The following CCNB3 variants were observed in gnomAD, a reference collection of about 807,000 sequenced individuals.
CCNB3 encodes cyclin B3, also known as G2/mitotic-specific cyclin-B3.
A neutral mutation model predicts 68.0 loss-of-function variants in CCNB3; 12 were observed. That is an observed-to-expected ratio of 0.18 (90% CI 0.11 to 0.29). The LOEUF (loss-of-function observed/expected upper bound fraction) is 0.29, where lower values mean the gene tolerates loss of function less well. Ranked by LOEUF, CCNB3 falls within the 10% of genes least tolerant of loss-of-function variation. CCNB3 has a pLI of 1.00. For synonymous variants in CCNB3, 354 were observed against 388.9 expected, an observed-to-expected ratio of 0.91 and a Z score of 1.06; for missense variants, 904 against 993.1, an observed-to-expected ratio of 0.91 and a Z score of 1.21.
intron 1 of CCNB3, among the ~76,000 whole-genome samples, chrX:50,282,251 T>A (rs1936151226): frequency 9.0e-6 from 1 of 111,376 alleles, no homozygotes; most frequent in African/African-American, 3.3e-5. Flanking sequence ...ACTTGCCCAG[T>A]GTCACCCAGC....
intron 8 of CCNB3, among the ~76,000 whole-genome samples, chrX:50,325,550 G>A (rs1047538127): frequency 1.8e-5 from 2 of 112,212 alleles, no homozygotes; most frequent in Non-Finnish European, 3.8e-5. Context: ...GGCTGGTACA[G>A]CTGAACCCTG....
At chrX:50,331,403 T>C (rs1292132777) in intron 8 of CCNB3, among the ~76,000 whole-genome samples, 1 of 112,180 alleles carries the variant, frequency 8.9e-6, no homozygotes, top group Non-Finnish European at 1.9e-5. Context: ...TGACTGTTTT[T>C]GTGGTACCAT....
intron 8 of CCNB3, among the ~76,000 whole-genome samples, chrX:50,318,958 A>G (rs1279361745): frequency 8.9e-6 from 1 of 111,742 alleles, no homozygotes; most frequent in African/African-American, 3.3e-5. Flanking sequence ...CTTCCCTGGT[A>G]GACAACACTT....
chrX:50,324,149 A>G (rs781878140), intron 8 of CCNB3, among the ~76,000 whole-genome samples: 18 of 111,946 alleles, frequency 1.6e-4, no homozygotes, highest in Non-Finnish European at 1.1e-4. Flanking sequence ...GGCTCAAGCT[A>G]TTCTCCTGCC....
intron 1 of CCNB3, among the ~76,000 whole-genome samples, chrX:50,215,216 C>T (rs1220655756): frequency 9.1e-6 from 1 of 109,967 alleles, no homozygotes; most frequent in Non-Finnish European, 1.9e-5. Context: ...GTCTGGATCT[C>T]CTGACCTCGT....
chrX:50,342,902 G>T (rs1348125713), intron 9 of CCNB3, among the ~76,000 whole-genome samples: 5 of 110,368 alleles, frequency 4.5e-5, no homozygotes, highest in Non-Finnish European at 7.6e-5. Flanking sequence ...TAGGGGTGGG[G>T]TCTCATGTTG....
At chrX:50,314,412 A>T (rs782754104) in intron 8 of CCNB3, among the ~76,000 whole-genome samples, 2 of 111,422 alleles carry the variant, frequency 1.8e-5, no homozygotes, top group Admixed American at 1.9e-4. Flanking sequence ...ATACTTAATT[A>T]TTATTTTATA....
intron 1 of CCNB3, among the ~76,000 whole-genome samples, chrX:50,226,326 A>C (rs1345335057): frequency 1.5e-5 from 1 of 64,998 alleles, no homozygotes; most frequent in Non-Finnish European, 2.6e-5. Context: ...ACATATATAT[A>C]GAAATATATA....
At chrX:50,326,064 GTC>G (rs1922280663) in intron 8 of CCNB3, among the ~76,000 whole-genome samples, 1 of 111,610 alleles carries the variant, frequency 9.0e-6, no homozygotes, top group Non-Finnish European at 1.9e-5. Context: ...TTAGGAATAA[GTC>G]TTAGTCATCT....
At chrX:50,217,497 C>T (rs1241055210) in intron 1 of CCNB3, among the ~76,000 whole-genome samples, 1 of 110,366 alleles carries the variant, frequency 9.1e-6, no homozygotes, top group Non-Finnish European at 1.9e-5. Context: ...TGGTCTCCAT[C>T]TCCTGACCTC....
In CCNB3 at chrX:50,285,143, A is replaced by G. The variant is rs764267204; in HGVS notation, c.-21A>G. 4 of 1,138,144 alleles carry G rather than the reference A, an allele frequency of 3.5e-6. No homozygotes were observed. The South Asian group carries it at 7.3e-5, about 21-fold the overall frequency. The allele number at this position is 1,138,144 out of a possible 1,213,427, so 93.8% of individuals were successfully genotyped here. On this transcript the variant is annotated 5_prime_UTR_variant, in exon 3 of 13. Transcript: ENST00000376042. ...TGATTACAGCCCTGCCTTGGACAAGACGCAGCTGAATCTCTAAGTGATGCT... is the reference window on the plus strand; with the variant it reads ...TGATTACAGCCCTGCCTTGGACAAGGCGCAGCTGAATCTCTAAGTGATGCT...
At chrX:50,295,826 T>G (rs1298330481) in intron 5 of CCNB3, among the ~76,000 whole-genome samples, 3 of 111,565 alleles carry the variant, frequency 2.7e-5, no homozygotes, top group Non-Finnish European at 5.6e-5. Context: ...TGTTTGATGC[T>G]AGCTTCCACT....
At chrX:50,218,215 T>G (rs1285343385) in intron 1 of CCNB3, among the ~76,000 whole-genome samples, 1 of 112,126 alleles carries the variant, frequency 8.9e-6, no homozygotes, top group African/African-American at 3.2e-5. Flanking sequence ...GTATTTCTTT[T>G]CTAATTGTTC....
intron 8 of CCNB3, among the ~76,000 whole-genome samples, chrX:50,314,413 T>C (rs1417006127): frequency 8.1e-5 from 9 of 111,493 alleles, no homozygotes; most frequent in Non-Finnish European, 1.7e-4. Flanking sequence ...TACTTAATTA[T>C]TATTTTATAC....
chrX:50,282,409 G>T (rs182629269), intron 1 of CCNB3, among the ~76,000 whole-genome samples: 2 of 111,900 alleles, frequency 1.8e-5, no homozygotes, highest in East Asian at 5.6e-4. Flanking sequence ...ACTTCCTGTA[G>T]ACTGTTTTGA....
intron 1 of CCNB3, among the ~76,000 whole-genome samples, chrX:50,228,834 A>T (rs1442569066): frequency 1.3e-5 from 1 of 74,403 alleles, no homozygotes; most frequent in East Asian, 3.9e-4. Context: ...ATATATATAG[A>T]ATACATATAT....
chrX:50,205,773 G>T (rs1178810688), intron 1 of CCNB3, among the ~76,000 whole-genome samples: 13 of 109,892 alleles, frequency 1.2e-4, no homozygotes, highest in African/African-American at 4.0e-4. Flanking sequence ...GGCCAACATG[G>T]TGAAACCCCG....
At chrX:50,315,025 T>C (rs1557215576) in intron 8 of CCNB3, among the ~76,000 whole-genome samples, 2 of 112,217 alleles carry the variant, frequency 1.8e-5, no homozygotes, top group Non-Finnish European at 3.8e-5. Context: ...GTTTTTGTTA[T>C]TGCATAAAAA....
At chrX:50,331,089 CCATT>C (rs1395617652) in intron 8 of CCNB3, among the ~76,000 whole-genome samples, 6 of 111,819 alleles carry the variant, frequency 5.4e-5, no homozygotes, top group African/African-American at 1.9e-4. Context: ...TCTCTCGGGA[CCATT>C]CATCATCTTT....
Sources: gnomAD v4.1 joint callset for allele counts (sites outside exome capture counted in the v4.1 genomes callset) on GRCh38, gnomAD v4.1.1 for gene constraint, MANE v1.5 for transcripts, NCBI Gene and HGNC (gene_info 2026-07-23, HGNC 2026-07-21) for gene names.